DMXL1: variants seen among roughly 807,000 people sequenced by gnomAD.
DMXL1 encodes the protein dmX-like protein 1.
In DMXL1, 99 loss-of-function variants were observed where a neutral mutation model predicts 319.2. The observed-to-expected ratio is 0.31, with a 90% CI of 0.26 to 0.37. The LOEUF (loss-of-function observed/expected upper bound fraction) is 0.37. Ranked by LOEUF, DMXL1 falls within the 10% of genes least tolerant of loss-of-function variation. DMXL1 has a pLI of 1.00. For synonymous variants in DMXL1, 1,385 were observed against 1,235.2 expected (o/e 1.12, Z -2.54); for missense variants, 3,745 against 3,595.6 (o/e 1.04, Z -1.06).
At chr5:119,073,930 T>C (rs560098701) in intron 1 of DMXL1, among the ~76,000 whole-genome samples, 1 of 152,162 alleles carries the variant, frequency 6.6e-6, no homozygotes, top group East Asian at 1.9e-4. Context: ...GTTGTTTTTT[T>C]TTTTTGAGAC....
chr5:119,129,040 G>A (rs1050099033), intron 9 of DMXL1, among the ~76,000 whole-genome samples, 171 bp from the exon 10 acceptor site: 2 of 152,020 alleles, frequency 1.3e-5, no homozygotes, highest in Non-Finnish European at 2.9e-5. Flanking sequence ...CCTGGCAACA[G>A]AGCGAAACTC....
chr5:119,106,171 C>T (rs186854803), intron 4 of DMXL1, among the ~76,000 whole-genome samples: 2 of 152,156 alleles, frequency 1.3e-5, no homozygotes, highest in African/African-American at 4.8e-5. Context: ...TGCCTTTGTT[C>T]TCCTCCACAT....
At chr5:119,235,490 C>A (rs1006494636) in intron 39 of DMXL1, among the ~76,000 whole-genome samples, 1 of 151,590 alleles carries the variant, frequency 6.6e-6, no homozygotes, top group Non-Finnish European at 1.5e-5. Flanking sequence ...AGAAACTATC[C>A]CATAATGATG....
chr5:119,104,826 A>G (rs2149813966), intron 3 of DMXL1, among the ~76,000 whole-genome samples: 1 of 152,340 alleles, frequency 6.6e-6, no homozygotes, highest in East Asian at 1.9e-4. Flanking sequence ...TGGGGACAAA[A>G]CAGTAAAAGA....
rs1389435535 is a variant in DMXL1, at chr5:119,164,488, A to AT, written c.4703-13dup. The AT allele has an allele frequency of 6.2e-7, 1 of 1,602,682 alleles. No individual in the cohort carries two copies. Among genetic ancestry groups the AT allele is most frequent in the Non-Finnish European group, 8.5e-7 (1 of 1,172,002 alleles). On this transcript the variant is annotated intron_variant, in intron 19 of 43. Transcript: ENST00000539542. ...CATATTTATAATTCTTATAAACATC[A>AT]TTTTTTACATTTCTTCAGGCCTGTC...
intron 1 of DMXL1, among the ~76,000 whole-genome samples, chr5:119,086,238 T>G (rs931763782): frequency 6.6e-6 from 1 of 152,142 alleles, no homozygotes; most frequent in Non-Finnish European, 1.5e-5. Flanking sequence ...GAAAACAGTA[T>G]GGGGTAAACC....
At chr5:119,229,841 T>C (rs956361858) in intron 38 of DMXL1, among the ~76,000 whole-genome samples, 2 of 152,192 alleles carry the variant, frequency 1.3e-5, no homozygotes, top group African/African-American at 4.8e-5. Context: ...TTTCATAATT[T>C]ACAGAAGCAT....
intron 8 of DMXL1, among the ~76,000 whole-genome samples, chr5:119,120,632 T>A (rs1313841619): frequency 6.6e-6 from 1 of 152,230 alleles, no homozygotes; most frequent in South Asian, 2.1e-4. Context: ...TGTAGAGATA[T>A]CAGTCACAAA....
chr5:119,104,204 C>T (rs925606733), intron 3 of DMXL1: 5 of 152,176 alleles, frequency 3.3e-5, no homozygotes, highest in Non-Finnish European at 7.3e-5. Context: ...AAATCCTGCT[C>T]TGGGAATTTC....
At chr5:119,231,722 C>G (rs748315638) in intron 38 of DMXL1, among the ~76,000 whole-genome samples, 28 of 152,194 alleles carry the variant, frequency 1.8e-4, no homozygotes, top group Non-Finnish European at 2.8e-4. Context: ...GAGGGGAAAA[C>G]TTTTATAAGG....
chr5:119,205,046 A>G (rs747474423), intron 33 of DMXL1, among the ~76,000 whole-genome samples: 26 of 152,184 alleles, frequency 1.7e-4, no homozygotes, highest in Admixed American at 9.8e-4. Context: ...AAGTCAGGAA[A>G]TAGTATGTAG....
At chr5:119,130,430 C>T (rs1217217827) in intron 10 of DMXL1, among the ~76,000 whole-genome samples, 1 of 152,012 alleles carries the variant, frequency 6.6e-6, no homozygotes, top group South Asian at 2.1e-4. Flanking sequence ...GCAGCCTCCA[C>T]CTCCCGGGTT....
intron 15 of DMXL1, among the ~76,000 whole-genome samples, chr5:119,145,576 T>A (rs935950240): frequency 6.6e-6 from 1 of 151,760 alleles, no homozygotes; most frequent in Non-Finnish European, 1.5e-5. Flanking sequence ...TTAATGAACA[T>A]GTTAATATTG....
intron 1 of DMXL1, among the ~76,000 whole-genome samples, chr5:119,072,640 C>T (rs1469659932): frequency 6.6e-6 from 1 of 152,162 alleles, no homozygotes; most frequent in African/African-American, 2.4e-5. Flanking sequence ...ATCTTTTTCT[C>T]TGCTTTTAAT....
At chr5:119,184,088 C>G (rs1777261796) in intron 28 of DMXL1, among the ~76,000 whole-genome samples, 1 of 143,644 alleles carries the variant, frequency 7.0e-6, no homozygotes, top group African/African-American at 2.9e-5. Flanking sequence ...GGGTCTTGCT[C>G]TGTCGCCCAG....
chr5:119,075,501 C>T (rs545732243), intron 1 of DMXL1, among the ~76,000 whole-genome samples: 5 of 152,072 alleles, frequency 3.3e-5, no homozygotes, highest in South Asian at 4.1e-4. Flanking sequence ...GGCCTCCCCA[C>T]GTACTGGGAT....
chr5:119,128,379 C>A, intron 9 of DMXL1: 1 of 260,802 alleles, frequency 3.8e-6, no homozygotes, highest in Non-Finnish European at 7.7e-6. Flanking sequence ...CAGGGTTCTT[C>A]CGTTGAGCTA....
intron 4 of DMXL1, among the ~76,000 whole-genome samples, chr5:119,105,662 G>A (rs1337758803): frequency 6.6e-6 from 1 of 152,164 alleles, no homozygotes; most frequent in African/African-American, 2.4e-5. Flanking sequence ...TTGGGAGGCT[G>A]AGGTGGGCAG....
chr5:119,176,669 A>G (rs1775859185), intron 26 of DMXL1, among the ~76,000 whole-genome samples: 2 of 152,074 alleles, frequency 1.3e-5, no homozygotes, highest in South Asian at 4.1e-4. Flanking sequence ...ATTTAAGTAT[A>G]TTCATGTACT....
Sources: allele counts gnomAD v4.1 joint callset (sites outside exome capture counted in the v4.1 genomes callset), GRCh38; gene constraint gnomAD v4.1.1; transcripts MANE v1.5; gene names NCBI Gene and HGNC (gene_info 2026-07-23, HGNC 2026-07-21).